Variants in RB1CC1 observed in about 807,000 individuals in gnomAD.
RB1CC1 encodes RB1 inducible coiled-coil 1, also known as RB1-inducible coiled-coil protein 1.
A neutral mutation model predicts 177.5 loss-of-function variants in RB1CC1; 46 were observed. The observed-to-expected ratio is 0.26, with a 90% CI of 0.20 to 0.33. The LOEUF (loss-of-function observed/expected upper bound fraction) is 0.33, where lower values mean the gene tolerates loss of function less well. Among genes scored for constraint, RB1CC1 ranks in the 10% least tolerant of loss-of-function variants. The pLI is 1.00. For synonymous variants in RB1CC1, 666 were observed against 613.6 expected, an observed-to-expected ratio of 1.09 and a Z score of -1.26; for missense variants, 1,703 against 1,816.3, an observed-to-expected ratio of 0.94 and a Z score of 1.13.
At chr8:52,697,369 T>C (rs1470104835) in intron 1 of RB1CC1, among the ~76,000 whole-genome samples, 1 of 151,916 alleles carries the variant, frequency 6.6e-6, no homozygotes, top group Non-Finnish European at 1.5e-5. Flanking sequence ...AAATGCCATG[T>C]GTGAATTTGT....
intron 8 of RB1CC1, among the ~76,000 whole-genome samples, chr8:52,661,936 A>G (rs187787905): frequency 1.1e-3 from 169 of 152,182 alleles, no homozygotes; most frequent in Non-Finnish European, 1.9e-3. Context: ...TTTTCAAACT[A>G]GAAGAAAATA....
At chr8:52,627,423 C>T (rs1278862699) in intron 22 of RB1CC1, among the ~76,000 whole-genome samples, 1 of 152,172 alleles carries the variant, frequency 6.6e-6, no homozygotes, top group Non-Finnish European at 1.5e-5. Flanking sequence ...AGATTAGGAA[C>T]ATCAATCTAA....
intron 22 of RB1CC1, among the ~76,000 whole-genome samples, chr8:52,625,918 A>T (rs1370428437): frequency 6.6e-6 from 1 of 152,212 alleles, no homozygotes; most frequent in Non-Finnish European, 1.5e-5. Context: ...TTTATTCCAT[A>T]CAAATAATTT....
chr8:52,640,884 C>A (rs983103806), intron 18 of RB1CC1, among the ~76,000 whole-genome samples: 1 of 152,004 alleles, frequency 6.6e-6, no homozygotes. Context: ...TCCTTTCAAC[C>A]AGACAGAAAC....
intron 19 of RB1CC1, among the ~76,000 whole-genome samples, chr8:52,635,364 A>C (rs1482097052): frequency 6.6e-6 from 1 of 152,196 alleles, no homozygotes; most frequent in South Asian, 2.1e-4. Context: ...ATAATAGAAA[A>C]CATGCTATAT....
Position 52,672,430 on chromosome 8 carries a change from C to T in RB1CC1, c.1002+1415G>A, listed in dbSNP as rs545944267. On this transcript the variant is annotated intron_variant, in intron 7 of 23. Coordinates refer to ENST00000025008, the MANE Select transcript of RB1CC1 (RefSeq NM_014781.5). ...CATATATATAACTCTGTTTTGACATCTGGCACAGCTTAATTACAGAAAAAA... is the reference window on the plus strand; with the variant it reads ...CATATATATAACTCTGTTTTGACATTTGGCACAGCTTAATTACAGAAAAAA... Among the ~76,000 whole-genome samples the T allele has an allele frequency of 5.3e-5, 8 of 152,296 alleles. No homozygotes were observed. The South Asian group carries it at 1.7e-3, about 32-fold the overall frequency.
chr8:52,691,353 G>C (rs1486222527), intron 1 of RB1CC1, among the ~76,000 whole-genome samples: 1 of 152,072 alleles, frequency 6.6e-6, no homozygotes, highest in African/African-American at 2.4e-5. Flanking sequence ...CTCTTCATTT[G>C]ACATGCACAC....
intron 8 of RB1CC1, among the ~76,000 whole-genome samples, chr8:52,663,523 G>A (rs190273565): frequency 1.5e-4 from 23 of 152,168 alleles, no homozygotes; most frequent in African/African-American, 5.5e-4. Context: ...TTTTAATTGG[G>A]AGTGGTTTTA....
chr8:52,696,873 C>A (rs1204648034), intron 1 of RB1CC1, among the ~76,000 whole-genome samples: 2 of 151,972 alleles, frequency 1.3e-5, no homozygotes, highest in African/African-American at 4.8e-5. Flanking sequence ...CATGATGGTG[C>A]ACACCTGTAC....
intron 3 of RB1CC1, 86 bp downstream of exon 3, chr8:52,685,313 C>G (rs1305373038): frequency 3.7e-6 from 4 of 1,067,308 alleles, no homozygotes; most frequent in Non-Finnish European, 5.5e-6. Flanking sequence ...CGCCATTATC[C>G]TACTTTTTAA....
In RB1CC1 at chr8:52,623,668, T is replaced by C. The variant is rs775942578; in HGVS notation, c.*114A>G. The C allele has an allele frequency of 5.4e-5, 40 of 741,680 alleles. No homozygotes were observed. The highest frequency in any genetic ancestry group is 4.0e-4 in the East Asian group (15 of 37,248). The allele number at this position is 741,680 out of a possible 1,614,324, so 45.9% of individuals were successfully genotyped here. Reference sequence around the variant, plus strand: ...AAACGATGTACACCAGTGAAGTATATTGTCACGCTGACTTTTGCATAAAAA... The same window carrying C: ...AAACGATGTACACCAGTGAAGTATACTGTCACGCTGACTTTTGCATAAAAA... On this transcript the variant is annotated 3_prime_UTR_variant, in exon 24 of 24. Coordinates refer to ENST00000025008, the MANE Select transcript of RB1CC1 (RefSeq NM_014781.5).
At chr8:52,686,701 T>C (rs1854303182) in intron 2 of RB1CC1, among the ~76,000 whole-genome samples, 152 bp downstream of exon 2, 1 of 152,178 alleles carries the variant, frequency 6.6e-6, no homozygotes, top group South Asian at 2.1e-4. Context: ...CAGAAAGTAG[T>C]AGGTACCTTT....
chr8:52,708,595 GGTGGCCT>G (rs1413567038), intron 1 of RB1CC1, among the ~76,000 whole-genome samples: 1 of 152,122 alleles, frequency 6.6e-6, no homozygotes, highest in Non-Finnish European at 1.5e-5. Flanking sequence ...CCTTATCACA[GGTGGCCT>G]ATAGTATTCT....
At chr8:52,701,779 T>G (rs978651029) in intron 1 of RB1CC1, among the ~76,000 whole-genome samples, 1 of 150,814 alleles carries the variant, frequency 6.6e-6, no homozygotes, top group Non-Finnish European at 1.5e-5. Context: ...CCTATACCAC[T>G]AAAGTCTTCT....
chr8:52,659,513 C>A (rs184652109), intron 12 of RB1CC1, among the ~76,000 whole-genome samples: 3 of 151,534 alleles, frequency 2.0e-5, no homozygotes, highest in Non-Finnish European at 2.9e-5. Flanking sequence ...TATAAAATTG[C>A]CAAGAGTTGC....
At chr8:52,640,879 T>C (rs147959923) in intron 18 of RB1CC1, among the ~76,000 whole-genome samples, 1 of 152,270 alleles carries the variant, frequency 6.6e-6, no homozygotes, top group Non-Finnish European at 1.5e-5. Context: ...TATTTTCCTT[T>C]CAACCAGACA....
chr8:52,668,177 A>C lies in RB1CC1; in HGVS notation c.1017T>G (p.Ile339Met). The C allele has an allele frequency of 6.2e-7, 1 of 1,613,522 alleles. No individual in the cohort carries two copies. The highest frequency in any genetic ancestry group is 8.5e-7 in the Non-Finnish European group (1 of 1,179,940). The change falls in exon 8 of 24, where the codon ATT (isoleucine) becomes ATG (methionine). Residue 339 changes from isoleucine to methionine, a missense_variant. Physicochemically the swap from Ile to Met is conservative, Grantham distance 10 (BLOSUM62 1). This residue lies in a region of RB1CC1 where 315 missense variants were observed against 304.9 expected (regional missense o/e 1.03). Coordinates refer to ENST00000025008, the MANE Select transcript of RB1CC1 (RefSeq NM_014781.5). ...GGCATTCTGCTATAAATGGTCGAAT[A>C]ATCCTTGGATCAAGCTAAATGACAA... is the stretch of plus-strand genomic sequence containing the variant. The part of the protein sequence containing the change: ...FDSMSRLDPR[I>M]IRPFIAECRQ...
intron 6 of RB1CC1, among the ~76,000 whole-genome samples, chr8:52,675,972 A>G (rs1246958655): frequency 1.3e-5 from 2 of 151,850 alleles, no homozygotes; most frequent in East Asian, 3.9e-4. Context: ...GGATGGCAAT[A>G]TTTACAAAGA....
At chr8:52,625,199 T>C (rs1425259671) in intron 22 of RB1CC1, among the ~76,000 whole-genome samples, 1 of 152,142 alleles carries the variant, frequency 6.6e-6, no homozygotes, top group African/African-American at 2.4e-5. Context: ...AAAACACTCA[T>C]TTTTGATGGG....
Sources: allele counts gnomAD v4.1 joint callset (sites outside exome capture counted in the v4.1 genomes callset), GRCh38; gene constraint gnomAD v4.1.1; regional missense constraint gnomAD v4.1.1; transcripts MANE v1.5; gene names NCBI Gene and HGNC (gene_info 2026-07-23, HGNC 2026-07-21).